The following PFKL variants were observed in gnomAD, a reference collection of about 807,000 sequenced individuals.
PFKL encodes phosphofructokinase, liver type.
A neutral mutation model predicts 92.1 loss-of-function variants in PFKL; 74 were observed. The observed-to-expected ratio is 0.80, with a 90% CI of 0.67 to 0.97. The LOEUF (loss-of-function observed/expected upper bound fraction) is 0.97. PFKL is among the 50% of genes least tolerant of loss of function. PFKL has a pLI of 0.00. For synonymous variants in PFKL, 494 were observed against 456.4 expected (o/e 1.08, Z -1.05); for missense variants, 1,028 against 1,116.6 (o/e 0.92, Z 1.13).
At chr21:44,301,787 C>T (rs1159318624) in intron 1 of PFKL, among the ~76,000 whole-genome samples, 2 of 152,184 alleles carry the variant, frequency 1.3e-5, no homozygotes, top group Non-Finnish European at 2.9e-5. Flanking sequence ...CAGAGGGTCC[C>T]CAACCAGCTT....
At chr21:44,306,616 T>TGGG (rs111498206) in intron 1 of PFKL, 65 bp from the exon 2 acceptor site, 191,559 of 1,386,780 alleles carry the variant, frequency 0.14, 6,951 homozygotes, top group East Asian at 0.21. Context: ...TCCTCTGAGA[T>TGGG]GGGGAGGGTG....
Position 44,311,541 on chromosome 21 carries a change from C to T in PFKL, c.237+458C>T, listed in dbSNP as rs144344436. ...ATATGTACTCAGAGTCACACACACA[C>T]GTGCCCCATCGCACAGGGACTCAGG... is the stretch of plus-strand genomic sequence containing the variant. On this transcript the variant is annotated intron_variant, in intron 3 of 21. Transcript: ENST00000349048. Among the ~76,000 whole-genome samples the T allele has an allele frequency of 2.9e-3, 444 of 152,350 alleles. 4 individuals carry two copies. Among genetic ancestry groups the T allele is most frequent in the Non-Finnish European group, 4.1e-3 (276 of 68,042 alleles).
chr21:44,310,916 G>A, intron 2 of PFKL, 90 bp from the exon 3 acceptor site: 1 of 887,248 alleles, frequency 1.1e-6, no homozygotes, highest in Non-Finnish European at 1.9e-6. Context: ...CCTGCTTTCT[G>A]CTGGTGGGGT....
intron 1 of PFKL, among the ~76,000 whole-genome samples, chr21:44,301,033 C>T (rs1351151111): frequency 2.0e-5 from 3 of 152,212 alleles, no homozygotes; most frequent in African/African-American, 7.2e-5. Flanking sequence ...GCCCAGCCAG[C>T]ACCCCAAGGC....
intron 19 of PFKL, 96 bp downstream of exon 19, chr21:44,325,360 G>C (rs530851083): frequency 2.5e-6 from 2 of 805,344 alleles, no homozygotes; most frequent in African/African-American, 1.7e-5. Context: ...GGGCACCCAC[G>C]GGCACTCCCG....
intron 20 of PFKL, 28 bp from the exon 21 acceptor site, chr21:44,326,131 G>A: frequency 1.2e-6 from 2 of 1,608,504 alleles, no homozygotes; most frequent in Non-Finnish European, 1.7e-6. Context: ...CCTCACCATG[G>A]AGGGCTGCCA....
intron 17 of PFKL, 63 bp from the exon 18 acceptor site, chr21:44,324,792 GC>G (rs1568972352): frequency 1.3e-6 from 2 of 1,584,058 alleles, no homozygotes; most frequent in Non-Finnish European, 8.6e-7. Flanking sequence ...GCCCCGGATC[GC>G]CGGTCAGCCT....
chr21:44,302,230 C>T (rs2040796955), intron 1 of PFKL, among the ~76,000 whole-genome samples: 1 of 152,260 alleles, frequency 6.6e-6, no homozygotes, highest in South Asian at 2.1e-4. Flanking sequence ...CTGCAAATGT[C>T]CTCCCTTCCC....
chr21:44,305,079 C>T, intron 1 of PFKL: 1 of 387,070 alleles, frequency 2.6e-6, no homozygotes, highest in Non-Finnish European at 4.7e-6. Context: ...GGGAGAGGGC[C>T]ACCTACTGAA....
At chr21:44,321,440 C>T (rs1211510009) in intron 12 of PFKL, 3 of 211,782 alleles carry the variant, frequency 1.4e-5, no homozygotes, top group African/African-American at 4.6e-5. Context: ...CCTGTGTTCC[C>T]GCCCGCAAGC....
intron 1 of PFKL, among the ~76,000 whole-genome samples, chr21:44,302,114 C>T (rs2040792667): frequency 6.6e-6 from 1 of 152,216 alleles, no homozygotes; most frequent in Admixed American, 6.5e-5. Context: ...AGCCTGGCCC[C>T]AGTGCCTGAT....
In PFKL at chr21:44,324,971, G is replaced by C. The variant is rs529520687; in HGVS notation, c.1877+54G>C. ...GCTGCGCGTCCAACTCTCGGGGCTG[G>C]GGTGGGGCTGCTGAGGAGCGGCTGG... On this transcript the variant is annotated intron_variant, in intron 18 of 21. Transcript: ENST00000349048. The C allele has an allele frequency of 9.4e-5, 142 of 1,513,294 alleles. 3 individuals are homozygous for C. In the South Asian group the frequency reaches 1.7e-3, roughly 18 times the overall value. 93.7% of individuals were successfully genotyped at this position (1,513,294 alleles called of 1,614,324 possible). A position where few individuals can be genotyped will look rare whatever the true frequency, so the allele number is the denominator to read the frequency against.
In PFKL at chr21:44,322,984, G is replaced by A; in HGVS notation, c.1432G>A (p.Glu478Lys). The change falls in exon 15 of 22, where the codon GAG (glutamate) becomes AAG (lysine). Residue 478 changes from glutamate (E) to lysine (K), a missense_variant. Glu to Lys is a moderately conservative substitution (Grantham distance 56, BLOSUM62 1). Coordinates refer to ENST00000349048, the MANE Select transcript of PFKL (RefSeq NM_002626.6). ...CAGGACCCTGCCCAAGGGCCAGCTGGAGTCCATTGTGGAGAACATCCGCAT... is the reference window on the plus strand; with the variant it reads ...CAGGACCCTGCCCAAGGGCCAGCTGAAGTCCATTGTGGAGAACATCCGCAT... ...TKRTLPKGQLESIVENIRIYG... is the reference protein window; with the variant it reads ...TKRTLPKGQLKSIVENIRIYG... The A allele has an allele frequency of 6.2e-7, 1 of 1,612,522 alleles. No individual in the cohort carries two copies. Among genetic ancestry groups the A allele is most frequent in the Non-Finnish European group, 8.5e-7 (1 of 1,179,264 alleles).
At chr21:44,321,945 G>A (rs919038787) in intron 13 of PFKL, 70 bp downstream of exon 13, 2 of 1,504,814 alleles carry the variant, frequency 1.3e-6, no homozygotes, top group Admixed American at 2.2e-5. Context: ...ATTTCCTGTG[G>A]AAGGCCGGCT....
At chr21:44,307,993 ACTTTGCCGTGCCTAGAGTCCTGG>A (rs978656156) in intron 2 of PFKL, among the ~76,000 whole-genome samples, 10 of 152,362 alleles carry the variant, frequency 6.6e-5, no homozygotes, top group African/African-American at 2.2e-4. Context: ...GAGAAGAGGC[ACTTTGCCGTGCCTAGAGTCCTGG>A]CTTCTGCAGA....
At chr21:44,322,316 C>T (rs907362632) in intron 14 of PFKL, 113 bp downstream of exon 14, 11 of 976,656 alleles carry the variant, frequency 1.1e-5, no homozygotes, top group African/African-American at 1.6e-5. Context: ...CTCGGCCCCT[C>T]TTCCTGCTGG....
intron 1 of PFKL, chr21:44,304,486 T>G: frequency 8.6e-7 from 1 of 1,166,170 alleles, no homozygotes; most frequent in Non-Finnish European, 1.1e-6. Context: ...GGACCAGGTC[T>G]GCAGGGAGGG....
In PFKL at chr21:44,327,270, C is replaced by A; in HGVS notation, c.*408C>A. ...TAGGTTGTGTTGAGAGGGGGATGCC[C>A]CTGGCCCTGCCTCACTGTGACCTGC... On this transcript the variant is annotated 3_prime_UTR_variant, in exon 22 of 22. Transcript: ENST00000349048. 4.4e-6 allele frequency: 1 copy of A among 229,232 alleles called. No homozygotes were observed. The highest frequency in any genetic ancestry group is 8.8e-6 in the Non-Finnish European group (1 of 113,566). The allele number at this position is 229,232 out of a possible 1,614,324, so 14.2% of individuals were successfully genotyped here.
intron 12 of PFKL, chr21:44,320,443 G>A: frequency 3.7e-6 from 1 of 273,078 alleles, no homozygotes; most frequent in Non-Finnish European, 7.0e-6. Flanking sequence ...TGTAGAAAAT[G>A]TCCCCCGGGG....
Sources: allele counts gnomAD v4.1 joint callset (sites outside exome capture counted in the v4.1 genomes callset), GRCh38; gene constraint gnomAD v4.1.1; transcripts MANE v1.5; gene names NCBI Gene and HGNC (gene_info 2026-07-23, HGNC 2026-07-21).